CCDC171: variants seen among roughly 807,000 people sequenced by gnomAD.
CCDC171 encodes the protein coiled-coil domain containing 171.
A neutral mutation model predicts 168.2 loss-of-function variants in CCDC171; 177 were observed. That is an observed-to-expected ratio of 1.05 (90% CI 0.93 to 1.19). The LOEUF (loss-of-function observed/expected upper bound fraction) is 1.19, where lower values mean the gene tolerates loss of function less well. Ranked by LOEUF, CCDC171 falls within the 50% of genes most tolerant of loss-of-function variation. The pLI, the probability that CCDC171 is intolerant of heterozygous loss-of-function variation, is 0.00. For missense variants in CCDC171, 1,991 were observed against 1,539.0 expected, an observed-to-expected ratio of 1.29 and a Z score of -4.91; for synonymous variants, 687 against 540.8, an observed-to-expected ratio of 1.27 and a Z score of -3.75.
At chr9:15,996,858 T>A (rs1260775116) in intron 3 of CCDC171, among the ~76,000 whole-genome samples, 1 of 152,100 alleles carries the variant, frequency 6.6e-6, no homozygotes, top group Non-Finnish European at 1.5e-5. Context: ...AGGTAAAGGC[T>A]CAAACCAGCT....
At chr9:15,892,892 A>G (rs930082516) in intron 24 of CCDC171, among the ~76,000 whole-genome samples, 3 of 152,184 alleles carry the variant, frequency 2.0e-5, no homozygotes, top group Admixed American at 1.3e-4. Flanking sequence ...TGCTATTACC[A>G]TTAAACTACC....
chr9:15,856,617 T>G lies in CCDC171; in HGVS notation c.3468+7670T>G, dbSNP rs974579238. On this transcript the variant is annotated intron_variant, in intron 23 of 25. Transcript: ENST00000380701. ...TATCCATTTATCTCTCAATAGACAT[T>G]TAGGTTGTTTCCAGATCTTGGCTAT... Among the ~76,000 whole-genome samples the G allele has an allele frequency of 2.6e-5, 4 of 152,060 alleles. 1 individual carries two copies. The highest frequency in any genetic ancestry group is 9.7e-5 in the African/African-American group (4 of 41,384).
At chr9:16,039,339 G>A (rs116585284), upstream of CCDC171, among the ~76,000 whole-genome samples, 424 of 152,316 alleles carry the variant, frequency 2.8e-3, 3 homozygotes, top group African/African-American at 9.9e-3. Context: ...GAGTACTGCT[G>A]TTATGTAACT....
chr9:15,817,846 G>C (rs2059618219), intron 21 of CCDC171, among the ~76,000 whole-genome samples: 1 of 118,094 alleles, frequency 8.5e-6, no homozygotes, highest in African/African-American at 3.2e-5. Flanking sequence ...GAAGAGAGTA[G>C]TGGTTCTCCC....
intron 4 of CCDC171, among the ~76,000 whole-genome samples, chr9:15,583,989 C>G (rs1324661292): frequency 6.6e-6 from 1 of 152,136 alleles, no homozygotes; most frequent in East Asian, 1.9e-4. Flanking sequence ...GCCTCAGCCT[C>G]CCGAGTGGCT....
chr9:16,003,641 G>A (rs1271739762), intron 3 of CCDC171, among the ~76,000 whole-genome samples: 3 of 152,176 alleles, frequency 2.0e-5, no homozygotes, highest in Non-Finnish European at 4.4e-5. Context: ...TAAATACTCT[G>A]GTTGGGCTTT....
intron 11 of CCDC171, among the ~76,000 whole-genome samples, chr9:15,705,332 C>A (rs1243339795): frequency 2.6e-5 from 4 of 152,140 alleles, no homozygotes; most frequent in African/African-American, 9.7e-5. Context: ...TTGCTCTAAA[C>A]CTTGTAAGGT....
chr9:15,890,163 A>G (rs1346307338), intron 24 of CCDC171, among the ~76,000 whole-genome samples: 1 of 149,520 alleles, frequency 6.7e-6, no homozygotes, highest in South Asian at 2.2e-4. Flanking sequence ...GGTAACTCAA[A>G]CTTTTTTTTT....
At chr9:15,958,507 G>A (rs538518908) in intron 25 of CCDC171, among the ~76,000 whole-genome samples, 49 of 121,204 alleles carry the variant, frequency 4.0e-4, no homozygotes, top group African/African-American at 1.6e-3. Context: ...ATAATAACAC[G>A]GAGGTGAGGT....
intron 6 of CCDC171, among the ~76,000 whole-genome samples, chr9:15,602,751 G>T (rs1456058627): frequency 6.8e-6 from 1 of 148,054 alleles, no homozygotes; most frequent in South Asian, 2.2e-4. Context: ...TCCGCCTCCC[G>T]GGTTTAAGCG....
At chr9:16,032,782 C>T (rs1280270177) in intron 6 of CCDC171, among the ~76,000 whole-genome samples, 1 of 152,150 alleles carries the variant, frequency 6.6e-6, no homozygotes, top group African/African-American at 2.4e-5. Context: ...CATGCCTGGC[C>T]AACAGGGAAC....
chr9:15,573,474 G>T (rs1429030278), intron 3 of CCDC171, among the ~76,000 whole-genome samples: 2 of 152,006 alleles, frequency 1.3e-5, no homozygotes, highest in Non-Finnish European at 2.9e-5. Flanking sequence ...TAGAGATGGG[G>T]TTTTACCATG....
At chr9:15,769,330 G>A (rs1306761863) in intron 18 of CCDC171, among the ~76,000 whole-genome samples, 1 of 152,104 alleles carries the variant, frequency 6.6e-6, no homozygotes, top group African/African-American at 2.4e-5. Context: ...ATTTATGATT[G>A]GGTAGTATAT....
At chr9:16,046,060 A>G (rs1167145871) in intron 1 of CCDC171, among the ~76,000 whole-genome samples, 1 of 152,204 alleles carries the variant, frequency 6.6e-6, no homozygotes, top group Admixed American at 6.5e-5. Flanking sequence ...CACACTGGTT[A>G]GGTCACTCCC....
Position 15,595,291 on chromosome 9 carries a change from C to T in CCDC171, c.675+1119C>T, listed in dbSNP as rs147272218. Among the ~76,000 whole-genome samples, 19 of 152,218 alleles carry T rather than the reference C, an allele frequency of 1.2e-4. No homozygotes were observed. In the East Asian group the frequency reaches 3.7e-3, roughly 29 times the overall value. ...TTAGGTATATATCCTAATGCTATCC[C>T]TCCCCGCTCCCCTGACCCCACAACA... On this transcript the variant is annotated intron_variant, in intron 6 of 25. Coordinates refer to ENST00000380701, the MANE Select transcript of CCDC171 (RefSeq NM_173550.4).
intron 25 of CCDC171, among the ~76,000 whole-genome samples, chr9:15,958,717 C>T (rs992118762): frequency 6.6e-6 from 1 of 151,900 alleles, no homozygotes; most frequent in South Asian, 2.1e-4. Flanking sequence ...GCAGGGCATG[C>T]TTCAGGATCA....
In CCDC171 at chr9:15,779,049, C is replaced by T. The variant is rs200291609; in HGVS notation, c.2980C>T (p.Arg994Cys). The change falls in exon 20 of 26, where the codon CGC (arginine) becomes TGC (cysteine). Residue 994 changes from arginine to cysteine, a missense_variant. Arg to Cys is a radical substitution (Grantham distance 180, BLOSUM62 -3). Transcript: ENST00000380701. ...HAAEVERRSL[R>C]LEVTEFKRSV... is the part of the protein sequence containing the mutation. Reference sequence around the variant, plus strand: ...TGCAGAAGTGGAGCGCCGCTCACTACGCTTAGAGGTCACAGAATTCAAACG... The same window carrying T: ...TGCAGAAGTGGAGCGCCGCTCACTATGCTTAGAGGTCACAGAATTCAAACG... 208 of 1,604,634 alleles carry T rather than the reference C, an allele frequency of 1.3e-4. 2 individuals carry two copies. The highest frequency in any genetic ancestry group is 5.0e-4 in the South Asian group (44 of 88,212).
At chr9:15,649,537 C>G (rs1001996742) in intron 7 of CCDC171, among the ~76,000 whole-genome samples, 1 of 151,988 alleles carries the variant, frequency 6.6e-6, no homozygotes, top group African/African-American at 2.4e-5. Context: ...ACAATGAACT[C>G]AAACAAATTT....
intron 23 of CCDC171, among the ~76,000 whole-genome samples, chr9:15,873,340 AT>A (rs1457637414): frequency 6.6e-6 from 1 of 152,124 alleles, no homozygotes; most frequent in African/African-American, 2.4e-5. Context: ...GAAATTTTCT[AT>A]CTTGTATTTT....
Sources: gnomAD v4.1 joint callset for allele counts (sites outside exome capture counted in the v4.1 genomes callset) on GRCh38, gnomAD v4.1.1 for gene constraint, MANE v1.5 for transcripts, NCBI Gene and HGNC (gene_info 2026-07-23, HGNC 2026-07-21) for gene names.